The following NALF1 variants were observed in gnomAD, a reference collection of about 807,000 sequenced individuals.
NALF1 encodes the protein family with sequence similarity 155 member A.
NALF1 carries 3 observed loss-of-function variants against 48.4 expected under a neutral mutation model. The observed-to-expected ratio is 0.06, with a 90% CI of 0.03 to 0.16. The LOEUF is 0.16. NALF1 is among the 10% of genes least tolerant of loss of function. The pLI is 1.00. For missense variants in NALF1, 526 were observed against 571.5 expected (o/e 0.92, Z 0.81); for synonymous variants, 262 against 245.7 (o/e 1.07, Z -0.62).
At chr13:107,469,844 T>C (rs1414179607) in intron 1 of NALF1, among the ~76,000 whole-genome samples, 1 of 147,818 alleles carries the variant, frequency 6.8e-6, no homozygotes, top group Non-Finnish European at 1.5e-5. Context: ...CCCAGGTTCA[T>C]GCCATTCTCC....
intron 1 of NALF1, among the ~76,000 whole-genome samples, chr13:107,689,142 G>A (rs568731203): frequency 5.3e-5 from 8 of 152,194 alleles, no homozygotes; most frequent in East Asian, 1.9e-4. Context: ...CACCCTGCCC[G>A]GAGTCACAGC....
chr13:107,710,829 AC>A (rs1875564801), intron 1 of NALF1, among the ~76,000 whole-genome samples: 6 of 42,224 alleles, frequency 1.4e-4, no homozygotes, highest in Admixed American at 9.7e-4. Context: ...ATATACACAT[AC>A]AGAGACACGT....
intron 2 of NALF1, among the ~76,000 whole-genome samples, chr13:107,206,261 T>G (rs1879637237): frequency 6.6e-6 from 1 of 152,170 alleles, no homozygotes; most frequent in African/African-American, 2.4e-5. Flanking sequence ...TTTTATCTCC[T>G]AAGACAGAAT....
Position 107,481,543 on chromosome 13 carries a change from T to C in NALF1, c.916-270788A>G, listed in dbSNP as rs1241246732. Among the ~76,000 whole-genome samples, 3 of 152,198 alleles carry C rather than the reference T, an allele frequency of 2.0e-5. No homozygotes were observed. The East Asian group carries it at 5.8e-4, about 29-fold the overall frequency. The stretch of plus-strand genomic sequence containing the variant: ...AGGTACTGAACTTGACTTTTTATAG[T>C]TGAGTTTGTTAGTGAGTTAAAAACG... On this transcript the variant is annotated intron_variant, in intron 1 of 2. Transcript: ENST00000375915.
intron 2 of NALF1, among the ~76,000 whole-genome samples, chr13:107,200,375 C>T (rs553071478): frequency 1.1e-4 from 17 of 152,106 alleles, no homozygotes; most frequent in African/African-American, 4.1e-4. Flanking sequence ...GCTCGGGGGG[C>T]GGTGGGAAAC....
intron 1 of NALF1, among the ~76,000 whole-genome samples, chr13:107,573,229 A>C (rs1878039416): frequency 6.6e-6 from 1 of 152,194 alleles, no homozygotes. Flanking sequence ...TAAGCACACC[A>C]AATTGTTTTA....
At chr13:107,681,684 T>A (rs893113889) in intron 1 of NALF1, among the ~76,000 whole-genome samples, 2 of 152,114 alleles carry the variant, frequency 1.3e-5, no homozygotes, top group African/African-American at 4.8e-5. Flanking sequence ...AACGCCGACA[T>A]CTGGATCCTG....
intron 1 of NALF1, among the ~76,000 whole-genome samples, chr13:107,326,715 G>A (rs1029345260): frequency 6.6e-6 from 1 of 152,210 alleles, no homozygotes; most frequent in African/African-American, 2.4e-5. Context: ...AGACCCTGCA[G>A]GGACAGAATA....
chr13:107,597,768 A>G (rs915049907), intron 1 of NALF1, among the ~76,000 whole-genome samples: 1 of 152,204 alleles, frequency 6.6e-6, no homozygotes, highest in Admixed American at 6.5e-5. Context: ...GTAAGAATAC[A>G]TAATTATTTT....
intron 1 of NALF1, among the ~76,000 whole-genome samples, chr13:107,567,403 T>G (rs141053959): frequency 6.6e-6 from 1 of 152,340 alleles, no homozygotes; most frequent in East Asian, 1.9e-4. Flanking sequence ...AGAAATTAAT[T>G]AGACATTAAG....
At chr13:107,666,801 T>G (rs1000282364) in intron 1 of NALF1, among the ~76,000 whole-genome samples, 6 of 152,098 alleles carry the variant, frequency 3.9e-5, no homozygotes, top group Non-Finnish European at 2.9e-5. Flanking sequence ...GTATCAATAA[T>G]TTCACGTTTT....
chr13:107,614,175 T>C (rs1037283789), intron 1 of NALF1, among the ~76,000 whole-genome samples: 2 of 152,114 alleles, frequency 1.3e-5, no homozygotes, highest in African/African-American at 4.8e-5. Context: ...ATACCAAATC[T>C]CTCATATCAC....
intron 1 of NALF1, among the ~76,000 whole-genome samples, chr13:107,511,902 C>T (rs1875901917): frequency 1.3e-5 from 2 of 152,164 alleles, no homozygotes; most frequent in Admixed American, 1.3e-4. Flanking sequence ...ATTTTGAATA[C>T]CTGAAAGCAG....
intron 1 of NALF1, among the ~76,000 whole-genome samples, chr13:107,506,630 A>G (rs1875703972): frequency 6.6e-6 from 1 of 152,144 alleles, no homozygotes; most frequent in African/African-American, 2.4e-5. Context: ...GCATAACATG[A>G]CTAATTATGG....
intron 1 of NALF1, among the ~76,000 whole-genome samples, chr13:107,612,504 G>C (rs1367727597): frequency 1.3e-5 from 2 of 152,156 alleles, no homozygotes. Context: ...GTTTCTGGAT[G>C]AGACTAGCAC....
At position 107,555,037 on chromosome 13, in the gene NALF1, C is replaced by T. The variant is rs542698840; in HGVS notation, c.915+310645G>A. Among the ~76,000 whole-genome samples, 11 of 152,164 alleles carry T rather than the reference C, an allele frequency of 7.2e-5. No individual in the cohort carries two copies. The South Asian group carries it at 2.3e-3, about 32-fold the overall frequency. ...CACAGGTAAAAAAGGCAAGGTTGTG[C>T]CGTAAAGCAATCACTTTAATTGGAG... On this transcript the variant is annotated intron_variant, in intron 1 of 2. Coordinates refer to ENST00000375915, the MANE Select transcript of NALF1 (RefSeq NM_001080396.3).
At position 107,342,040 on chromosome 13, in the gene NALF1, T is replaced by C. The variant is rs145651629; in HGVS notation, c.916-131285A>G. Among the ~76,000 whole-genome samples the C allele has an allele frequency of 7.2e-5, 11 of 152,268 alleles. No individual in the cohort carries two copies. The East Asian group carries it at 2.1e-3, about 29-fold the overall frequency. On this transcript the variant is annotated intron_variant, in intron 1 of 2. Coordinates refer to ENST00000375915, the MANE Select transcript of NALF1 (RefSeq NM_001080396.3). Reference sequence around the variant, plus strand: ...ACTCTATTAGCAAAACAACTAGACATTGCCATAGCCAGCCAAGCAACACAA... The same window carrying C: ...ACTCTATTAGCAAAACAACTAGACACTGCCATAGCCAGCCAAGCAACACAA...
At chr13:107,235,308 C>G (rs1005549711) in intron 1 of NALF1, among the ~76,000 whole-genome samples, 1 of 152,058 alleles carries the variant, frequency 6.6e-6, no homozygotes, top group African/African-American at 2.4e-5. Flanking sequence ...GCTGCCCAAA[C>G]AGCAACATAA....
intron 1 of NALF1, among the ~76,000 whole-genome samples, chr13:107,270,968 T>C (rs907148484): frequency 2.0e-5 from 3 of 152,126 alleles, no homozygotes; most frequent in Non-Finnish European, 4.4e-5. Context: ...TCCAGTTTCA[T>C]CCATGATTTT....
Sources: gnomAD v4.1 joint callset for allele counts (sites outside exome capture counted in the v4.1 genomes callset) on GRCh38, gnomAD v4.1.1 for gene constraint, MANE v1.5 for transcripts, NCBI Gene and HGNC (gene_info 2026-07-23, HGNC 2026-07-21) for gene names.